The following TRPC7 variants were observed in gnomAD, a reference collection of about 807,000 sequenced individuals.
TRPC7 encodes transient receptor potential cation channel subfamily C member 7.
Under a neutral mutation model 90.1 loss-of-function variants are expected in TRPC7, and 42 were observed. The observed-to-expected ratio is 0.47, with a 90% CI of 0.36 to 0.60. TRPC7 has a LOEUF of 0.60. Among genes scored for constraint, TRPC7 ranks in the 20% least tolerant of loss-of-function variants. The probability of loss-of-function intolerance (pLI) is 0.00; values close to 1 mark genes in which losing one functional copy is unlikely to be tolerated. For missense variants in TRPC7, 955 were observed against 1,112.3 expected (o/e 0.86, Z 2.01); for synonymous variants, 451 against 436.3 (o/e 1.03, Z -0.42).
rs1756380713 is a variant in TRPC7, at chr5:136,247,561, A to G, written c.1754T>C (p.Ile585Thr). The G allele has an allele frequency of 6.2e-7, 1 of 1,613,906 alleles. No individual in the cohort carries two copies. Among genetic ancestry groups the G allele is most frequent in the Non-Finnish European group, 8.5e-7 (1 of 1,179,894 alleles). ...GAAGGCCACAAATACCATGATGAAA[A>G]TGACCATGAACTTGAAGATATCTTT... ...TVKDIFKFMV[I>T]FIMVFVAFMI... is the part of the protein sequence containing the mutation. The change falls in exon 7 of 12, where the codon ATT becomes ACT. Residue 585 changes from isoleucine (I) to threonine (T), a missense_variant. Ile to Thr is a moderately conservative substitution (Grantham distance 89). Transcript: ENST00000513104. The surrounding 1 kb of genome is among the most constrained non-coding windows in gnomAD (Gnocchi z 4.2).
At chr5:136,329,459 T>C (rs930794205) in intron 2 of TRPC7, among the ~76,000 whole-genome samples, 1 of 152,092 alleles carries the variant, frequency 6.6e-6, no homozygotes, top group African/African-American at 2.4e-5. Flanking sequence ...GCATGCTACC[T>C]GAGTTTCGGA....
At chr5:136,352,883 G>C (rs770995752) in intron 2 of TRPC7, among the ~76,000 whole-genome samples, 1 of 152,136 alleles carries the variant, frequency 6.6e-6, no homozygotes, top group East Asian at 1.9e-4. Context: ...GAGCTTCCTC[G>C]TTTCACTATA....
Position 136,226,374 on chromosome 5 carries a change from G to A in TRPC7, c.2041-119C>T, listed in dbSNP as rs911568560. ...GAAAGCAGACTTCTAAGCAGGACTTGGTGTAGTTTTTCTACAGATGGCACA... is the reference window on the plus strand; with the variant it reads ...GAAAGCAGACTTCTAAGCAGGACTTAGTGTAGTTTTTCTACAGATGGCACA... On this transcript the variant is annotated intron_variant, in intron 8 of 11. Coordinates refer to ENST00000513104, the MANE Select transcript of TRPC7 (RefSeq NM_020389.3). 3 of 723,470 alleles carry A rather than the reference G, an allele frequency of 4.1e-6. No individual in the cohort carries two copies. In the African/African-American group the frequency reaches 5.3e-5, roughly 13 times the overall value. 44.8% of individuals were successfully genotyped at this position (723,470 alleles called of 1,614,324 possible).
At position 136,312,587 on chromosome 5, in the gene TRPC7, C is replaced by T. The variant is rs556114090; in HGVS notation, c.963+3010G>A. ...AGCTTCAATGACTTGCCCAAGACCA[C>T]AGGGTTAGGAGAATCAGGCTAGAAA... is the stretch of plus-strand genomic sequence containing the variant. On this transcript the variant is annotated intron_variant, in intron 3 of 11. Transcript: ENST00000513104. Among the ~76,000 whole-genome samples, 11 of 152,326 alleles carry T rather than the reference C, an allele frequency of 7.2e-5. No individual in the cohort carries two copies. The East Asian group carries it at 1.9e-3, about 27-fold the overall frequency.
At chr5:136,300,857 C>T (rs1158649238) in intron 3 of TRPC7, among the ~76,000 whole-genome samples, 8 of 152,210 alleles carry the variant, frequency 5.3e-5, no homozygotes, top group Non-Finnish European at 1.2e-4. Context: ...CTGCACATTG[C>T]ATGCAGGGCA....
intron 2 of TRPC7, among the ~76,000 whole-genome samples, chr5:136,326,389 G>A (rs903155648): frequency 1.3e-5 from 2 of 152,178 alleles, no homozygotes; most frequent in African/African-American, 4.8e-5. Context: ...CAGTATGTAG[G>A]TGAGGATGCT....
At chr5:136,268,578 AC>A (rs1757111565) in intron 4 of TRPC7, among the ~76,000 whole-genome samples, 1 of 152,180 alleles carries the variant, frequency 6.6e-6, no homozygotes, top group Non-Finnish European at 1.5e-5. Flanking sequence ...ATGTAGCTGC[AC>A]CCAAGCTGGC....
chr5:136,340,518 T>C (rs1292743823), intron 2 of TRPC7, among the ~76,000 whole-genome samples: 1 of 152,178 alleles, frequency 6.6e-6, no homozygotes, highest in African/African-American at 2.4e-5. Flanking sequence ...GATCATTATA[T>C]AATGTATACA....
chr5:136,248,784 T>A (rs1175392894), intron 6 of TRPC7, among the ~76,000 whole-genome samples: 1 of 152,234 alleles, frequency 6.6e-6, no homozygotes, highest in Non-Finnish European at 1.5e-5. Context: ...GCAGTTCTAA[T>A]GGTACAAGGA....
rs1756395911 is a variant in TRPC7 at position 136,247,948 on chromosome 5, T to G, written c.1580-213A>C. The stretch of plus-strand genomic sequence containing the variant: ...CTCTTCTCTCACTTCGAAGTATGAT[T>G]CATTCCTAATCCTCCTCTAAGACTC... On this transcript the variant is annotated intron_variant, in intron 6 of 11. Coordinates refer to ENST00000513104, the MANE Select transcript of TRPC7 (RefSeq NM_020389.3). This position sits in a 1 kb window ranked among gnomAD's most constrained non-coding sequence, Gnocchi z 4.2. 6.6e-6 allele frequency among the ~76,000 whole-genome samples: 1 copy of G among 152,212 alleles called. No individual in the cohort carries two copies. Among genetic ancestry groups the G allele is most frequent in the Non-Finnish European group, 1.5e-5 (1 of 68,040 alleles).
chr5:136,251,323 A>C (rs1215970589), intron 6 of TRPC7, among the ~76,000 whole-genome samples: 1 of 152,246 alleles, frequency 6.6e-6, no homozygotes, highest in East Asian at 1.9e-4. Flanking sequence ...GCACATCAGA[A>C]ACAAGACGTT....
chr5:136,228,330 A>C (rs1755696948), intron 8 of TRPC7, among the ~76,000 whole-genome samples: 1 of 151,362 alleles, frequency 6.6e-6, no homozygotes, highest in Non-Finnish European at 1.5e-5. Flanking sequence ...TAACTTGTGG[A>C]AGAGGCAGCG....
chr5:136,266,037 T>C (rs1487960413), intron 5 of TRPC7, among the ~76,000 whole-genome samples, 183 bp downstream of exon 5: 2 of 152,192 alleles, frequency 1.3e-5, no homozygotes, highest in East Asian at 3.8e-4. Context: ...AAATTGGAAT[T>C]TGTATACAGG....
chr5:136,272,083 C>T (rs17170002), intron 4 of TRPC7, among the ~76,000 whole-genome samples: 2,742 of 152,202 alleles, frequency 0.018, 79 homozygotes, highest in African/African-American at 0.063. Flanking sequence ...AGTTAGTTGA[C>T]GAAGTTTGCA....
intron 3 of TRPC7, among the ~76,000 whole-genome samples, chr5:136,284,145 G>A (rs185409174): frequency 6.6e-6 from 1 of 152,316 alleles, no homozygotes; most frequent in Non-Finnish European, 1.5e-5. Context: ...TAAAAGGCAT[G>A]TTTTGGTCAT....
intron 3 of TRPC7, among the ~76,000 whole-genome samples, chr5:136,297,094 C>T (rs1208065285): frequency 3.3e-5 from 5 of 152,186 alleles, no homozygotes; most frequent in African/African-American, 1.2e-4. Context: ...TCCCCCTTTG[C>T]TTTTGAGCTC....
intron 3 of TRPC7, among the ~76,000 whole-genome samples, chr5:136,297,512 TA>T (rs1257737430): frequency 2.0e-5 from 3 of 152,154 alleles, no homozygotes; most frequent in African/African-American, 7.2e-5. Flanking sequence ...GTAATAGCTA[TA>T]AAAATATTAA....
chr5:136,272,233 T>A (rs1305734602), intron 4 of TRPC7, among the ~76,000 whole-genome samples: 1 of 152,204 alleles, frequency 6.6e-6, no homozygotes, highest in African/African-American at 2.4e-5. Context: ...AGATGTAAAG[T>A]CAGTGACCCC....
intron 2 of TRPC7, among the ~76,000 whole-genome samples, chr5:136,344,830 G>A (rs1759955622): frequency 6.6e-6 from 1 of 152,202 alleles, no homozygotes; most frequent in African/African-American, 2.4e-5. Flanking sequence ...AAGAGAATGA[G>A]CCAGTCAAAG....
Sources: allele counts gnomAD v4.1 joint callset (sites outside exome capture counted in the v4.1 genomes callset), GRCh38; gene constraint gnomAD v4.1.1; non-coding constraint Gnocchi (gnomAD v3.1); transcripts MANE v1.5; gene names NCBI Gene and HGNC (gene_info 2026-07-23, HGNC 2026-07-21).